The following ATP10A variants were observed in gnomAD, a reference collection of about 807,000 sequenced individuals.
ATP10A encodes the protein ATPase phospholipid transporting 10A (putative), also known as phospholipid-transporting ATPase VA.
A neutral mutation model predicts 147.8 loss-of-function variants in ATP10A; 111 were observed. That is an observed-to-expected ratio of 0.75 (90% CI 0.64 to 0.88). The LOEUF is 0.88. Ranked by LOEUF, ATP10A falls within the 40% of genes least tolerant of loss-of-function variation. ATP10A has a pLI of 0.00. For synonymous variants in ATP10A, 875 were observed against 841.6 expected (o/e 1.04, Z -0.69); for missense variants, 1,927 against 1,959.0 (o/e 0.98, Z 0.31).
intron 2 of ATP10A, among the ~76,000 whole-genome samples, chr15:25,748,454 A>G (rs1005052927): frequency 7.2e-5 from 11 of 152,184 alleles, no homozygotes; most frequent in Admixed American, 5.2e-4. Flanking sequence ...ACATTTATTC[A>G]TAATACTTTC....
At chr15:25,846,229 C>A (rs991926339) in intron 1 of ATP10A, among the ~76,000 whole-genome samples, 1 of 152,000 alleles carries the variant, frequency 6.6e-6, no homozygotes, top group Non-Finnish European at 1.5e-5. Flanking sequence ...GAGAGGAGGG[C>A]GGCGGTGATG....
chr15:25,721,442 C>T (rs1325286092), intron 7 of ATP10A, among the ~76,000 whole-genome samples: 2 of 152,136 alleles, frequency 1.3e-5, no homozygotes, highest in South Asian at 2.1e-4. Context: ...GGCGGGCGGC[C>T]GTGCCAGTGC....
chr15:25,768,426 A>T (rs1214996998), intron 2 of ATP10A, among the ~76,000 whole-genome samples: 1 of 152,086 alleles, frequency 6.6e-6, no homozygotes, highest in Non-Finnish European at 1.5e-5. Flanking sequence ...CTGGCTGGGC[A>T]CCTGGACTCC....
chr15:25,786,169 G>A (rs1890148631), intron 1 of ATP10A, among the ~76,000 whole-genome samples: 1 of 152,188 alleles, frequency 6.6e-6, no homozygotes, highest in African/African-American at 2.4e-5. Flanking sequence ...GCAGAGAGGT[G>A]CCACGCCAGC....
At chr15:25,780,962 AT>A in intron 2 of ATP10A, 56 bp downstream of exon 2, 1 of 1,559,924 alleles carries the variant, frequency 6.4e-7, no homozygotes, top group Non-Finnish European at 8.8e-7. Flanking sequence ...GAAGGCTGTC[AT>A]GGGGACACTG....
chr15:25,832,805 C>T (rs1483221733), intron 1 of ATP10A, among the ~76,000 whole-genome samples: 4 of 151,896 alleles, frequency 2.6e-5, no homozygotes, highest in Admixed American at 6.6e-5. Context: ...TTTCCAATAG[C>T]TAGAAGAGAG....
intron 12 of ATP10A, among the ~76,000 whole-genome samples, chr15:25,705,624 C>T (rs567587148): frequency 6.6e-6 from 1 of 152,288 alleles, no homozygotes; most frequent in Non-Finnish European, 1.5e-5. Flanking sequence ...TACTCTCCAG[C>T]TCAGGCCTCG....
chr15:25,687,660 A>G, intron 16 of ATP10A, 43 bp downstream of exon 16: 1 of 1,363,280 alleles, frequency 7.3e-7, no homozygotes, highest in Non-Finnish European at 9.6e-7. Context: ...CTAAGAACCG[A>G]ACCTTCCAAT....
At chr15:25,730,376 C>A (rs981434701) in intron 3 of ATP10A, among the ~76,000 whole-genome samples, 3 of 151,328 alleles carry the variant, frequency 2.0e-5, no homozygotes, top group African/African-American at 4.9e-5. Context: ...GGAGTTTATT[C>A]CCTGCTCCCT....
At chr15:25,695,759 A>G (rs1213293668) in intron 13 of ATP10A, among the ~76,000 whole-genome samples, 1 of 152,194 alleles carries the variant, frequency 6.6e-6, no homozygotes, top group African/African-American at 2.4e-5. Flanking sequence ...ATTGCTGGAT[A>G]GTTAGACTGA....
intron 1 of ATP10A, among the ~76,000 whole-genome samples, chr15:25,848,089 C>T (rs1176615654): frequency 1.3e-5 from 2 of 151,208 alleles, no homozygotes; most frequent in Non-Finnish European, 2.9e-5. Context: ...AGTTCAAGAC[C>T]AGCCTGGCAA....
intron 16 of ATP10A, among the ~76,000 whole-genome samples, chr15:25,685,037 G>A (rs1899634712): frequency 6.6e-6 from 1 of 152,124 alleles, no homozygotes; most frequent in Non-Finnish European, 1.5e-5. Context: ...ACCCCCGCAG[G>A]CTTGGCCTAG....
chr15:25,853,219 CA>C (rs1893368349), intron 1 of ATP10A, among the ~76,000 whole-genome samples: 1 of 152,158 alleles, frequency 6.6e-6, no homozygotes. Flanking sequence ...TCTAAAAAAG[CA>C]GAAATCAAAA....
intron 16 of ATP10A, 52 bp downstream of exon 16, chr15:25,687,651 T>A: frequency 7.5e-7 from 1 of 1,331,778 alleles, no homozygotes; most frequent in Non-Finnish European, 9.8e-7. Context: ...GCGATGGTCC[T>A]AAGAACCGAA....
intron 13 of ATP10A, among the ~76,000 whole-genome samples, chr15:25,698,197 A>G (rs1900456930): frequency 6.6e-6 from 1 of 152,216 alleles, no homozygotes; most frequent in African/African-American, 2.4e-5. Flanking sequence ...GTACTAGGCT[A>G]ATGTAAGATC....
At chr15:25,861,302 A>G (rs1156318581) in intron 1 of ATP10A, among the ~76,000 whole-genome samples, 1 of 152,218 alleles carries the variant, frequency 6.6e-6, no homozygotes, top group East Asian at 1.9e-4. Flanking sequence ...CAAAAGTTTC[A>G]GAAGCACGAG....
intron 2 of ATP10A, among the ~76,000 whole-genome samples, 174 bp downstream of exon 2, chr15:25,780,845 G>T (rs553038194): frequency 7.9e-5 from 12 of 152,184 alleles, no homozygotes; most frequent in East Asian, 3.8e-4. Flanking sequence ...GTCACAGGCG[G>T]GTCATGGGCT....
chr15:25,718,236 G>C lies in ATP10A; in HGVS notation c.1527C>G (p.Ala509=), dbSNP rs56752377. ...ACAGCATGCTGGCCCTCTTGGCCTCGGCCCGGCTGCCCGTGCGCCGGTGGG... is the reference window on the plus strand; with the variant it reads ...ACAGCATGCTGGCCCTCTTGGCCTCCGCCCGGCTGCCCGTGCGCCGGTGGG... ...TKSHRRTGSR[A]EAKRASMLSK... is the part of the protein sequence containing the mutation. The change falls in exon 8 of 21, where the codon GCC becomes GCG. Residue 509 remains alanine (A), a synonymous_variant. Coordinates refer to ENST00000555815, the MANE Select transcript of ATP10A (RefSeq NM_024490.4). 4.0e-5 allele frequency: 64 copies of C among 1,613,042 alleles called. No homozygotes were observed. In the East Asian group the frequency reaches 1.4e-3, roughly 35 times the overall value.
chr15:25,864,859 CCTTCGG>C (rs1893919441), upstream of ATP10A, among the ~76,000 whole-genome samples: 1 of 152,150 alleles, frequency 6.6e-6, no homozygotes. Context: ...ACCCCCGAGG[CCTTCGG>C]CCTCCCTACA....
Sources: allele counts gnomAD v4.1 joint callset (sites outside exome capture counted in the v4.1 genomes callset), GRCh38; gene constraint gnomAD v4.1.1; transcripts MANE v1.5; gene names NCBI Gene and HGNC (gene_info 2026-07-23, HGNC 2026-07-21).